The following ZNF705A variants were observed in gnomAD, a reference collection of about 807,000 sequenced individuals.
ZNF705A encodes the protein zinc finger protein 705A.
In ZNF705A, 8 loss-of-function variants were observed where a neutral mutation model predicts 16.6. The ratio of observed to expected loss-of-function variants is 0.48; its 90% CI spans 0.28 to 0.87. The LOEUF (loss-of-function observed/expected upper bound fraction) is 0.87, where lower values mean the gene tolerates loss of function less well. ZNF705A is among the 40% of genes least tolerant of loss of function. The probability of loss-of-function intolerance (pLI) is 0.10; values close to 1 mark genes in which losing one functional copy is unlikely to be tolerated. For missense variants in ZNF705A, 233 were observed against 359.9 expected (o/e 0.65, Z 2.85); for synonymous variants, 73 against 117.3 (o/e 0.62, Z 2.44).
At chr12:8,157,733 A>T (rs1948321120) in intron 1 of ZNF705A, among the ~76,000 whole-genome samples, 1 of 152,196 alleles carries the variant, frequency 6.6e-6, no homozygotes. Flanking sequence ...CCATTTAAGT[A>T]AACATTTCAA....
intron 1 of ZNF705A, among the ~76,000 whole-genome samples, chr12:8,157,439 A>G (rs7963107): frequency 0.41 from 61,735 of 151,726 alleles, 12,984 homozygotes; most frequent in East Asian, 0.57. Context: ...CCTGAGGGGG[A>G]AAAAAGAAGT....
At chr12:8,167,903 G>C (rs999847345), upstream of ZNF705A, among the ~76,000 whole-genome samples, 1 of 152,250 alleles carries the variant, frequency 6.6e-6, no homozygotes, top group Non-Finnish European at 1.5e-5. Context: ...GACCCAGGCA[G>C]ATGCCTGAAG....
chr12:8,174,948 T>A (rs1948474082), intron 2 of ZNF705A, among the ~76,000 whole-genome samples: 1 of 152,156 alleles, frequency 6.6e-6, no homozygotes, highest in Admixed American at 6.6e-5. Flanking sequence ...CTGAAAAGAT[T>A]GTGTATTATG....
exon 5 of ZNF705A, chr12:8,179,392 A>G (rs1948513661): frequency 6.6e-6 from 1 of 152,240 alleles, no homozygotes; most frequent in East Asian, 1.9e-4. Context: ...CCGAAGCAAA[A>G]TGAAAGTTCT....
intron 1 of ZNF705A, among the ~76,000 whole-genome samples, 174 bp downstream of exon 2, chr12:8,172,811 T>A (rs1046872354): frequency 6.6e-5 from 10 of 152,240 alleles, no homozygotes; most frequent in African/African-American, 2.4e-4. Context: ...CTTTCAGGTA[T>A]CTGGCCTCCA....
exon 5 of ZNF705A, chr12:8,178,140 T>C (rs1339785895): frequency 6.3e-6 from 1 of 158,708 alleles, no homozygotes; most frequent in African/African-American, 2.4e-5. Context: ...CCTTTATTTG[T>C]ATTTTCTGTG....
chr12:8,170,768 G>A (rs1490978200), upstream of ZNF705A, among the ~76,000 whole-genome samples: 1 of 152,192 alleles, frequency 6.6e-6, no homozygotes, highest in Non-Finnish European at 1.5e-5. Flanking sequence ...TACATTCATG[G>A]AAGGCAGATG....
intron 1 of ZNF705A, among the ~76,000 whole-genome samples, chr12:8,160,941 G>C (rs768834913): frequency 6.6e-6 from 1 of 151,968 alleles, no homozygotes; most frequent in Non-Finnish European, 1.5e-5. Context: ...TTCCTCATTC[G>C]GTATTTTGTT....
chr12:8,171,104 G>A (rs1293847310), upstream of ZNF705A, among the ~76,000 whole-genome samples: 1 of 152,096 alleles, frequency 6.6e-6, no homozygotes, highest in African/African-American at 2.4e-5. Flanking sequence ...TATTAAATTG[G>A]TAAATAAATT....
At chr12:8,166,169 C>T (rs1591622754) in intron 1 of ZNF705A, among the ~76,000 whole-genome samples, 1 of 152,294 alleles carries the variant, frequency 6.6e-6, no homozygotes, top group East Asian at 1.9e-4. Context: ...CTAGGCAGTG[C>T]CCCAGTGTGG....
At chr12:8,174,760 A>G (rs1481116373) in intron 2 of ZNF705A, among the ~76,000 whole-genome samples, 2 of 152,230 alleles carry the variant, frequency 1.3e-5, no homozygotes, top group African/African-American at 4.8e-5. Flanking sequence ...GTATTAAATT[A>G]AATATTTTCT....
chr12:8,165,392 C>A (rs756548135), intron 1 of ZNF705A, among the ~76,000 whole-genome samples: 2 of 148,330 alleles, frequency 1.3e-5, no homozygotes, highest in South Asian at 2.1e-4. Context: ...ACACCATTCT[C>A]CTGCCTCAGC....
intron 1 of ZNF705A, among the ~76,000 whole-genome samples, chr12:8,157,450 C>T (rs1175361368): frequency 6.6e-6 from 1 of 152,102 alleles, no homozygotes; most frequent in East Asian, 1.9e-4. Context: ...AAAAAGAAGT[C>T]CTTCCTCTCA....
chr12:8,157,563 T>G (rs1219891029), intron 1 of ZNF705A, among the ~76,000 whole-genome samples: 2 of 152,098 alleles, frequency 1.3e-5, no homozygotes, highest in Non-Finnish European at 2.9e-5. Context: ...GTTTTGGATA[T>G]TGTGAGAAAT....
chr12:8,166,124 G>C (rs1360689828), intron 1 of ZNF705A, among the ~76,000 whole-genome samples: 1 of 152,178 alleles, frequency 6.6e-6, no homozygotes, highest in East Asian at 1.9e-4. Context: ...CCATTCTCGG[G>C]TCTGGAAGAT....
intron 1 of ZNF705A, among the ~76,000 whole-genome samples, chr12:8,162,021 T>G (rs1258586484): frequency 1.3e-5 from 2 of 152,200 alleles, no homozygotes; most frequent in African/African-American, 4.8e-5. Context: ...TATGAGGCTA[T>G]CTTGTTAGAA....
chr12:8,179,195 T>C (rs1948511457), exon 5 of ZNF705A: 1 of 152,172 alleles, frequency 6.6e-6, no homozygotes, highest in Admixed American at 6.5e-5. Context: ...CCTCTCTAAC[T>C]GGAAGTAGCA....
At chr12:8,163,984 G>C (rs1177164573) in intron 1 of ZNF705A, among the ~76,000 whole-genome samples, 1 of 151,950 alleles carries the variant, frequency 6.6e-6, no homozygotes, top group African/African-American at 2.4e-5. Context: ...CAGTGAGCTT[G>C]GGGATAAGTA....
chr12:8,160,527 G>T (rs992143095), intron 1 of ZNF705A, among the ~76,000 whole-genome samples: 2 of 149,960 alleles, frequency 1.3e-5, no homozygotes, highest in Non-Finnish European at 3.0e-5. Context: ...TTTCTTGCAG[G>T]GGCCTTTTGC....
Sources: allele counts gnomAD v4.1 joint callset (sites outside exome capture counted in the v4.1 genomes callset), GRCh38; gene constraint gnomAD v4.1.1; transcripts MANE v1.5; gene names NCBI Gene and HGNC (gene_info 2026-07-23, HGNC 2026-07-21).